GAS7: variants seen among roughly 807,000 people sequenced by gnomAD.
The protein encoded by GAS7 is growth arrest-specific protein 7.
In GAS7, 28 loss-of-function variants were observed where a neutral mutation model predicts 71.1. The observed-to-expected ratio is 0.39, with a 90% CI of 0.29 to 0.54. The LOEUF is 0.54. Among genes scored for constraint, GAS7 ranks in the 20% least tolerant of loss-of-function variants. GAS7 has a pLI of 0.62. For synonymous variants in GAS7, 258 were observed against 245.8 expected (o/e 1.05, Z -0.46); for missense variants, 436 against 627.8 (o/e 0.69, Z 3.27).
At chr17:10,020,605 C>A (rs1018740032) in intron 1 of GAS7, among the ~76,000 whole-genome samples, 20 of 151,788 alleles carry the variant, frequency 1.3e-4, no homozygotes, top group Non-Finnish European at 1.5e-5. Context: ...ATCTAGTAGA[C>A]AGATGCTAAA....
chr17:10,046,882 G>T (rs564968035), intron 1 of GAS7, among the ~76,000 whole-genome samples: 4 of 148,724 alleles, frequency 2.7e-5, no homozygotes, highest in Non-Finnish European at 5.9e-5. Flanking sequence ...AAAAGGAAAA[G>T]AAAAGAAAAG....
Position 9,945,076 on chromosome 17 carries a change from C to A in GAS7, c.615+1818G>T, listed in dbSNP as rs74907122. 6.8e-3 allele frequency among the ~76,000 whole-genome samples: 1,030 copies of A among 152,202 alleles called. 18 individuals are homozygous for A. The highest frequency in any genetic ancestry group is 0.024 in the African/African-American group (977 of 41,532). On this transcript the variant is annotated intron_variant, in intron 6 of 13. Coordinates refer to ENST00000432992, the MANE Select transcript of GAS7 (RefSeq NM_201433.2). ...CTGGATGCAGGCGGCATCAGACATTCCTACCAGCTTTCCAAGGCTTGAGAC... is the reference window on the plus strand; with the variant it reads ...CTGGATGCAGGCGGCATCAGACATTACTACCAGCTTTCCAAGGCTTGAGAC...
Position 9,941,433 on chromosome 17 carries a change from G to A in GAS7, c.732-1233C>T, listed in dbSNP as rs182378969. On this transcript the variant is annotated intron_variant, in intron 7 of 13. Transcript: ENST00000432992. ...TGTGTCTCACCTCCAGGACGACAGC[G>A]TGCGTCACCTCTACCTCTGCCCCAC... is the stretch of plus-strand genomic sequence containing the variant. 9.0e-4 allele frequency among the ~76,000 whole-genome samples: 137 copies of A among 152,304 alleles called. 1 individual carries two copies. Among genetic ancestry groups the A allele is most frequent in the Middle Eastern group, 3.4e-3 (1 of 294 alleles).
At chr17:10,184,609 G>T (rs573005624) in intron 1 of GAS7, among the ~76,000 whole-genome samples, 93 of 152,286 alleles carry the variant, frequency 6.1e-4, no homozygotes, top group Middle Eastern at 6.8e-3. Flanking sequence ...GAGCTGGCGG[G>T]AAATGCAGAA....
At chr17:10,057,126 C>T (rs1181444358) in intron 1 of GAS7, among the ~76,000 whole-genome samples, 4 of 152,190 alleles carry the variant, frequency 2.6e-5, no homozygotes, top group African/African-American at 9.6e-5. Flanking sequence ...AGTGCAGTGG[C>T]GTGATCTCGG....
intron 2 of GAS7, among the ~76,000 whole-genome samples, chr17:10,017,199 G>C (rs2072068991): frequency 6.6e-6 from 1 of 151,726 alleles, no homozygotes; most frequent in Non-Finnish European, 1.5e-5. Context: ...GGGCAAATAG[G>C]ACAAGTCCTT....
chr17:10,196,982 A>G (rs2074545362), intron 1 of GAS7, among the ~76,000 whole-genome samples: 1 of 152,168 alleles, frequency 6.6e-6, no homozygotes, highest in Non-Finnish European at 1.5e-5. Flanking sequence ...CAGCCCATGA[A>G]AGCTCATTCC....
chr17:9,942,380 G>T (rs1174306217), intron 7 of GAS7, among the ~76,000 whole-genome samples: 2 of 152,178 alleles, frequency 1.3e-5, no homozygotes, highest in Non-Finnish European at 2.9e-5. Context: ...GCAGCTGTGG[G>T]TATGTGAGTG....
At position 10,114,762 on chromosome 17, in the gene GAS7, A is replaced by G. The variant is rs146626365; in HGVS notation, c.183+83446T>C. Among the ~76,000 whole-genome samples, 1,512 of 152,118 alleles carry G rather than the reference A, an allele frequency of 9.9e-3. 13 individuals are homozygous for G. The highest frequency in any genetic ancestry group is 0.045 in the Middle Eastern group (13 of 292). ...GTTGTGTGACAGCTTTGAAAGCCAC[A>G]GAGATCGCATTTTTCCACACCCTAG... On this transcript the variant is annotated intron_variant, in intron 1 of 13. Coordinates refer to ENST00000432992, the MANE Select transcript of GAS7 (RefSeq NM_201433.2).
At chr17:9,983,522 C>G (rs898120027) in intron 2 of GAS7, among the ~76,000 whole-genome samples, 8 of 149,472 alleles carry the variant, frequency 5.4e-5, no homozygotes, top group African/African-American at 1.5e-4. Flanking sequence ...CGCGGTGGCT[C>G]ATGTCTGTAA....
intron 1 of GAS7, among the ~76,000 whole-genome samples, chr17:10,192,891 GTCACAAT>G (rs1262932864): frequency 2.6e-5 from 4 of 152,058 alleles, no homozygotes; most frequent in Admixed American, 2.0e-4. Flanking sequence ...GGTCTTTTCA[GTCACAAT>G]TACCCACCCC....
chr17:9,957,001 C>G (rs1381567953), intron 5 of GAS7, among the ~76,000 whole-genome samples: 1 of 152,196 alleles, frequency 6.6e-6, no homozygotes, highest in African/African-American at 2.4e-5. Context: ...TGGGCCAAGG[C>G]CAGGTGGTAC....
chr17:10,069,389 C>T (rs917469313), intron 1 of GAS7, among the ~76,000 whole-genome samples: 4 of 152,204 alleles, frequency 2.6e-5, no homozygotes, highest in Non-Finnish European at 5.9e-5. Flanking sequence ...GCTTCCTCTT[C>T]CATGTTGGCC....
chr17:10,130,431 C>T (rs904288063), intron 1 of GAS7, among the ~76,000 whole-genome samples: 1 of 150,932 alleles, frequency 6.6e-6, no homozygotes, highest in Non-Finnish European at 1.5e-5. Context: ...CCTTGGAAAA[C>T]AGCCTGGCCA....
intron 1 of GAS7, among the ~76,000 whole-genome samples, chr17:10,099,600 A>C (rs935936644): frequency 3.9e-5 from 6 of 152,272 alleles, no homozygotes; most frequent in African/African-American, 1.4e-4. Flanking sequence ...GAGACATTCC[A>C]CACAATAGGA....
At chr17:10,188,938 C>A (rs2074477017) in intron 1 of GAS7, among the ~76,000 whole-genome samples, 1 of 152,160 alleles carries the variant, frequency 6.6e-6, no homozygotes, top group African/African-American at 2.4e-5. Context: ...GCCACCATGC[C>A]CAGCCTGTAT....
At chr17:10,059,216 AT>A in intron 1 of GAS7, among the ~76,000 whole-genome samples, 1 of 152,282 alleles carries the variant, frequency 6.6e-6, no homozygotes, top group South Asian at 2.1e-4. Flanking sequence ...GGGGAACTGT[AT>A]CTGCTGGTTC....
At chr17:10,153,785 G>A (rs988882905) in intron 1 of GAS7, among the ~76,000 whole-genome samples, 1 of 152,102 alleles carries the variant, frequency 6.6e-6, no homozygotes, top group Non-Finnish European at 1.5e-5. Context: ...TGACCAAGCA[G>A]GCCAGGTGAG....
chr17:10,186,373 C>G (rs77683597), intron 1 of GAS7, among the ~76,000 whole-genome samples: 3,726 of 150,832 alleles, frequency 0.025, 149 homozygotes, highest in African/African-American at 0.086. Context: ...TGTCCCTACA[C>G]CAGAAGCCAG....
Sources: gnomAD v4.1 joint callset for allele counts (sites outside exome capture counted in the v4.1 genomes callset) on GRCh38, gnomAD v4.1.1 for gene constraint, MANE v1.5 for transcripts, NCBI Gene and HGNC (gene_info 2026-07-23, HGNC 2026-07-21) for gene names.